The following RAP1B variants were observed in gnomAD, a reference collection of about 807,000 sequenced individuals.
RAP1B encodes RAP1B, member of RAS oncogene family.
In RAP1B, 1 loss-of-function variant was observed where a neutral mutation model predicts 27.5. The ratio of observed to expected loss-of-function variants is 0.04; its 90% CI spans 0.01 to 0.17. RAP1B has a LOEUF of 0.17. Among genes scored for constraint, RAP1B ranks in the 10% least tolerant of loss-of-function variants. The pLI is 1.00. For synonymous variants in RAP1B, 75 were observed against 73.1 expected (o/e 1.03, Z -0.13); for missense variants, 84 against 214.8 (o/e 0.39, Z 3.81).
At chr12:68,630,435 CAG>C (rs748690774) in intron 1 of RAP1B, among the ~76,000 whole-genome samples, 1 of 152,046 alleles carries the variant, frequency 6.6e-6, no homozygotes, top group Non-Finnish European at 1.5e-5. Flanking sequence ...AACAAAAAAA[CAG>C]GGAGCAAATG....
chr12:68,619,335 A>C (rs1358053961), intron 1 of RAP1B, among the ~76,000 whole-genome samples: 3 of 152,228 alleles, frequency 2.0e-5, no homozygotes. Flanking sequence ...ATTTTAAGCA[A>C]AAATTTTAGA....
rs563015787 is a variant in RAP1B, at chr12:68,626,882, G to A, written c.-27+15839G>A. On this transcript the variant is annotated intron_variant, in intron 1 of 7. Transcript: ENST00000250559. ...ACAGTGGAAGCCCTCATGAGTGCAG[G>A]GCCCGCCACTTGTCCACAGGGCCAC... is the stretch of plus-strand genomic sequence containing the variant. 12 of 1,578,576 alleles carry A rather than the reference G, an allele frequency of 7.6e-6. No individual in the cohort carries two copies. In the Admixed American group the frequency reaches 1.2e-4, roughly 15 times the overall value.
chr12:68,640,812 T>G (rs1031705948), intron 1 of RAP1B, among the ~76,000 whole-genome samples: 1 of 152,156 alleles, frequency 6.6e-6, no homozygotes, highest in Non-Finnish European at 1.5e-5. Flanking sequence ...ATGTGTAATA[T>G]AGTGAACACA....
chr12:68,655,834 C>A (rs1379274600), intron 5 of RAP1B, among the ~76,000 whole-genome samples: 4 of 152,158 alleles, frequency 2.6e-5, no homozygotes, highest in African/African-American at 9.7e-5. Context: ...CTGTGCCTGG[C>A]CTTGATTGAC....
chr12:68,653,940 A>G (rs1874008902), intron 4 of RAP1B, among the ~76,000 whole-genome samples, 172 bp from the exon 5 acceptor site: 1 of 152,124 alleles, frequency 6.6e-6, no homozygotes, highest in South Asian at 2.1e-4. Flanking sequence ...AAAAAAAAAA[A>G]GAAACTAAAA....
intron 1 of RAP1B, among the ~76,000 whole-genome samples, chr12:68,632,464 A>G (rs1294804848): frequency 1.3e-5 from 2 of 152,142 alleles, no homozygotes; most frequent in African/African-American, 2.4e-5. Flanking sequence ...TAACAAAGCA[A>G]AATTACTTGT....
intron 1 of RAP1B, among the ~76,000 whole-genome samples, chr12:68,621,719 T>C (rs181767359): frequency 2.7e-4 from 41 of 152,316 alleles, no homozygotes; most frequent in African/African-American, 9.6e-4. Context: ...AAACTCAACA[T>C]TGAAAAACAC....
chr12:68,644,617 A>AG (rs1342324347), intron 1 of RAP1B, among the ~76,000 whole-genome samples: 1 of 151,278 alleles, frequency 6.6e-6, no homozygotes, highest in Admixed American at 6.6e-5. Flanking sequence ...TCTCAACTGA[A>AG]GGAATAGCAG....
rs1479410190 is a variant in RAP1B, at chr12:68,670,609, TAAATC to T, written c.*11361_*11365del. 1.3e-5 allele frequency: 2 copies of T among 152,230 alleles called. No individual in the cohort carries two copies. The highest frequency in any genetic ancestry group is 2.9e-5 in the Non-Finnish European group (2 of 68,028). 9.4% of individuals were successfully genotyped at this position (152,230 alleles called of 1,614,324 possible). On this transcript the variant is annotated 3_prime_UTR_variant, in exon 8 of 8. Coordinates refer to ENST00000250559, the MANE Select transcript of RAP1B (RefSeq NM_001010942.3). ...GTCGAAAATGCATTTAATACCCTGA[TAAATC>T]CATCACAAAGCTGAAAAATTATAAG...
chr12:68,627,357 T>C (rs1371617431), intron 1 of RAP1B: 7 of 716,048 alleles, frequency 9.8e-6, no homozygotes, highest in Non-Finnish European at 1.5e-5. Flanking sequence ...AGGAACTCAG[T>C]TGGCTTAATA....
chr12:68,643,010 G>A lies in RAP1B; in HGVS notation c.-26-5689G>A, dbSNP rs143887808. 7.7e-4 allele frequency: 602 copies of A among 781,822 alleles called. 3 individuals are homozygous for A. The African/African-American group carries it at 9.2e-3, about 12-fold the overall frequency. The allele number at this position is 781,822 out of a possible 1,614,324, so 48.4% of individuals were successfully genotyped here. A position where few individuals can be genotyped will look rare whatever the true frequency, so the allele number is the denominator to read the frequency against. On this transcript the variant is annotated intron_variant, in intron 1 of 7. Transcript: ENST00000250559. ...CCCAGCCATGTTGGGATTCTTCACC[G>A]ACCCTGGCTGCCCACGGTCCACTGC...
At chr12:68,631,210 T>C (rs975837344) in intron 1 of RAP1B, among the ~76,000 whole-genome samples, 1 of 152,202 alleles carries the variant, frequency 6.6e-6, no homozygotes, top group Non-Finnish European at 1.5e-5. Context: ...ATACTTAATA[T>C]CCATATAATA....
At chr12:68,638,410 G>A (rs974139260) in intron 1 of RAP1B, among the ~76,000 whole-genome samples, 1 of 152,156 alleles carries the variant, frequency 6.6e-6, no homozygotes, top group African/African-American at 2.4e-5. Flanking sequence ...GGAAAATGTG[G>A]TTGCATCTTG....
intron 5 of RAP1B, among the ~76,000 whole-genome samples, chr12:68,656,000 C>T (rs963022482): frequency 6.6e-6 from 1 of 152,148 alleles, no homozygotes; most frequent in African/African-American, 2.4e-5. Flanking sequence ...TTTATGTCTA[C>T]ATTGACTAGG....
chr12:68,621,274 C>T (rs987856507), intron 1 of RAP1B, among the ~76,000 whole-genome samples: 12 of 152,160 alleles, frequency 7.9e-5, no homozygotes, highest in African/African-American at 2.9e-4. Context: ...GTCTGCTGTT[C>T]TAGCAATTCT....
At chr12:68,617,498 G>C (rs1871109560) in intron 1 of RAP1B, among the ~76,000 whole-genome samples, 2 of 152,134 alleles carry the variant, frequency 1.3e-5, no homozygotes, top group South Asian at 4.2e-4. Flanking sequence ...GTACTGATTT[G>C]TATTTATAAG....
intron 1 of RAP1B, among the ~76,000 whole-genome samples, chr12:68,634,662 G>A (rs1872509141): frequency 2.0e-5 from 3 of 151,370 alleles, no homozygotes; most frequent in Admixed American, 1.3e-4. Context: ...CTTATCTCTT[G>A]ACTCGGCTGA....
chr12:68,662,008 CTATATATATATATA>C lies in RAP1B; in HGVS notation c.*2771_*2784del, dbSNP rs63676662. ...TGAATGCCAGTGCTATCCTCTAGGT[CTATATATATATATA>C]TATATATATATTATATATAGTACAT... On this transcript the variant is annotated 3_prime_UTR_variant, in exon 8 of 8. Coordinates refer to ENST00000250559, the MANE Select transcript of RAP1B (RefSeq NM_001010942.3). 1.5e-5 allele frequency: 2 copies of C among 133,918 alleles called. No homozygotes were observed. The highest frequency in any genetic ancestry group is 5.6e-5 in the African/African-American group (2 of 35,562). 8.3% of individuals were successfully genotyped at this position (133,918 alleles called of 1,614,324 possible).
intron 1 of RAP1B, among the ~76,000 whole-genome samples, chr12:68,638,191 T>A (rs941374202): frequency 6.6e-6 from 1 of 152,242 alleles, no homozygotes; most frequent in African/African-American, 2.4e-5. Flanking sequence ...ATTTTTTCCT[T>A]GGTAGTCACT....
Sources: allele counts gnomAD v4.1 joint callset (sites outside exome capture counted in the v4.1 genomes callset), GRCh38; gene constraint gnomAD v4.1.1; transcripts MANE v1.5; gene names NCBI Gene and HGNC (gene_info 2026-07-23, HGNC 2026-07-21).